The following PDZD2 variants were observed in gnomAD, a reference collection of about 807,000 sequenced individuals.
PDZD2 encodes the protein PDZ domain-containing protein 2.
A neutral mutation model predicts 220.7 loss-of-function variants in PDZD2; 90 were observed. The observed-to-expected ratio is 0.41, with a 90% CI of 0.34 to 0.49. The LOEUF is 0.49. Among genes scored for constraint, PDZD2 ranks in the 20% least tolerant of loss-of-function variants. The pLI is 0.28. For missense variants in PDZD2, 3,174 were observed against 3,608.5 expected (o/e 0.88, Z 3.08); for synonymous variants, 1,375 against 1,450.5 (o/e 0.95, Z 1.18).
chr5:31,983,210 C>A lies in PDZD2; in HGVS notation c.532C>A (p.Arg178Ser). 1 of 1,614,038 alleles carries A rather than the reference C, an allele frequency of 6.2e-7. No homozygotes were observed. Among genetic ancestry groups the A allele is most frequent in the South Asian group, 1.1e-5 (1 of 91,078 alleles). ...GGFIYLIMLRRFKHKAHSTYN... is the reference protein window; with the variant it reads ...GGFIYLIMLRSFKHKAHSTYN... ...CTTTATCTACCTGATCATGCTGCGT[C>A]GCTTTAAGCACAAAGCCCACTCCAC... is the stretch of plus-strand genomic sequence containing the variant. The change falls in exon 3 of 25, where the codon CGC becomes AGC. Residue 178 changes from arginine to serine, a missense_variant. Physicochemically the swap from Arg to Ser is moderately radical, Grantham distance 110. Coordinates refer to ENST00000438447, the MANE Select transcript of PDZD2 (RefSeq NM_178140.4).
intron 2 of PDZD2, among the ~76,000 whole-genome samples, chr5:31,899,592 C>T (rs1172911981): frequency 2.6e-5 from 4 of 152,170 alleles, no homozygotes; most frequent in Non-Finnish European, 5.9e-5. Flanking sequence ...TGTGTGTTAG[C>T]TGTGTGGCCT....
chr5:31,683,929 C>T (rs117854455), intron 1 of PDZD2, among the ~76,000 whole-genome samples: 2,350 of 152,212 alleles, frequency 0.015, 58 homozygotes, highest in African/African-American at 0.043. Flanking sequence ...TACACTCCCA[C>T]CAAGAGTGTG....
At chr5:32,080,370 A>AGTGG (rs1741807840) in intron 19 of PDZD2, among the ~76,000 whole-genome samples, 1 of 137,690 alleles carries the variant, frequency 7.3e-6, no homozygotes, top group Non-Finnish European at 1.6e-5. Flanking sequence ...AAAAAAAAAA[A>AGTGG]GTGGGGGGTG....
At chr5:31,718,811 C>T (rs1232800150) in intron 1 of PDZD2, among the ~76,000 whole-genome samples, 1 of 150,652 alleles carries the variant, frequency 6.6e-6, no homozygotes, top group Non-Finnish European at 1.5e-5. Context: ...AGTCATTCTC[C>T]TGTCTCAGCC....
intron 24 of PDZD2, among the ~76,000 whole-genome samples, chr5:32,101,652 G>A (rs1744267081): frequency 6.6e-6 from 1 of 152,126 alleles, no homozygotes; most frequent in African/African-American, 2.4e-5. Context: ...ACTTAATACT[G>A]GCCAAGATCT....
intron 1 of PDZD2, among the ~76,000 whole-genome samples, chr5:31,713,112 G>A (rs948608589): frequency 3.3e-5 from 5 of 152,224 alleles, no homozygotes; most frequent in African/African-American, 1.2e-4. Context: ...ATTGAAGAGT[G>A]GCCTTGTGTC....
intron 1 of PDZD2, among the ~76,000 whole-genome samples, chr5:31,650,672 T>A (rs1365115263): frequency 6.6e-6 from 1 of 152,170 alleles, no homozygotes; most frequent in Non-Finnish European, 1.5e-5. Flanking sequence ...AACTTGATGG[T>A]TTAAACCCTC....
chr5:31,751,374 G>A (rs532497648), intron 1 of PDZD2, among the ~76,000 whole-genome samples: 1 of 152,250 alleles, frequency 6.6e-6, no homozygotes, highest in South Asian at 2.1e-4. Context: ...CAATTAAGAG[G>A]TCTAGGTGGG....
intron 2 of PDZD2, among the ~76,000 whole-genome samples, chr5:31,815,245 C>CAAAAAAAAAAAAAAAAAAAAAAAAAAAA (rs59040987): frequency 1.7e-5 from 1 of 57,916 alleles, no homozygotes; most frequent in African/African-American, 6.8e-5. Context: ...AACTCTGTCT[C>CAAAAAAAAAAAAAAAAAAAAAAAAAAAA]AAAAAAAAAA....
intron 2 of PDZD2, among the ~76,000 whole-genome samples, chr5:31,897,384 G>A (rs1309264951): frequency 6.6e-6 from 1 of 152,158 alleles, no homozygotes; most frequent in Non-Finnish European, 1.5e-5. Flanking sequence ...TAACTAGCCA[G>A]CCAGTATGAT....
At chr5:31,712,020 G>A (rs1355618157) in intron 1 of PDZD2, 3 of 152,796 alleles carry the variant, frequency 2.0e-5, no homozygotes, top group Admixed American at 2.0e-4. Flanking sequence ...GTGAGCTGAG[G>A]CCCAGGCTGT....
chr5:31,653,921 A>T (rs1745446400), intron 1 of PDZD2, among the ~76,000 whole-genome samples: 1 of 152,100 alleles, frequency 6.6e-6, no homozygotes, highest in Non-Finnish European at 1.5e-5. Flanking sequence ...AGTAGCTGGG[A>T]TTACAGGCGC....
chr5:31,689,353 A>ATATATATATATATTTTTTTTT, intron 1 of PDZD2, among the ~76,000 whole-genome samples: 5 of 35,118 alleles, frequency 1.4e-4, no homozygotes, highest in African/African-American at 4.2e-4. Context: ...ATATATATAT[A>ATATATATATATATTTTTTTTT]TTTTTTTTTT....
intron 1 of PDZD2, among the ~76,000 whole-genome samples, chr5:31,713,692 C>T (rs755172372): frequency 9.9e-5 from 15 of 152,202 alleles, no homozygotes; most frequent in East Asian, 1.9e-4. Context: ...GGACTACAGG[C>T]GTGTGCCACC....
chr5:32,049,104 A>G (rs403457), intron 8 of PDZD2, among the ~76,000 whole-genome samples: 115,241 of 151,742 alleles, frequency 0.76, 43,836 homozygotes, highest in African/African-American at 0.84. Context: ...GCTCACCTGG[A>G]GTCCTACCTG....
At chr5:31,808,339 G>A (rs1256690292) in intron 2 of PDZD2, among the ~76,000 whole-genome samples, 3 of 152,154 alleles carry the variant, frequency 2.0e-5, no homozygotes, top group Non-Finnish European at 2.9e-5. Flanking sequence ...CGGTTAAAAC[G>A]AAAACAAGTT....
At chr5:32,010,278 G>A (rs140804184) in intron 5 of PDZD2, 52 bp from the exon 6 acceptor site, 33,300 of 1,427,838 alleles carry the variant, frequency 0.023, 462 homozygotes, top group Non-Finnish European at 0.028. Context: ...TTCAAGAACT[G>A]CTTGGTTCTG....
intron 24 of PDZD2, among the ~76,000 whole-genome samples, chr5:32,105,142 AC>A (rs1744642592): frequency 2.0e-5 from 3 of 151,944 alleles, no homozygotes; most frequent in African/African-American, 4.8e-5. Context: ...TCAAAAAAAA[AC>A]AATCAATCAA....
chr5:31,849,903 T>TACATATATATATACACATATATATATAC lies in PDZD2; in HGVS notation c.476+50192_476+50193insCACATATATATATACACATATATATATA, dbSNP rs1757838324. Reference sequence around the variant, plus strand: ...ATATATATATACACATATATATATATACATATATATATATACATATATATA... The same window carrying TACATATATATATACACATATATATATAC: ...ATATATATATACACATATATATATATACATATATATATACACATATATATATACACATATATATATATACATATATATA... On this transcript the variant is annotated intron_variant, in intron 2 of 24. Transcript: ENST00000438447. 4.3e-4 allele frequency among the ~76,000 whole-genome samples: 11 copies of TACATATATATATACACATATATATATAC among 25,676 alleles called. 3 individuals carry two copies. The highest frequency in any genetic ancestry group is 2.6e-4 in the Non-Finnish European group (4 of 15,634). 16.8% of individuals were successfully genotyped at this position (25,676 alleles called of 152,430 possible).
Sources: allele counts gnomAD v4.1 joint callset (sites outside exome capture counted in the v4.1 genomes callset), GRCh38; gene constraint gnomAD v4.1.1; transcripts MANE v1.5; gene names NCBI Gene and HGNC (gene_info 2026-07-23, HGNC 2026-07-21).